The following FAM20C variants were observed in gnomAD, a reference collection of about 807,000 sequenced individuals.
FAM20C encodes the protein FAM20C golgi associated secretory pathway kinase, also known as extracellular serine/threonine protein kinase FAM20C.
A neutral mutation model predicts 51.5 loss-of-function variants in FAM20C; 40 were observed. The observed-to-expected ratio is 0.78, with a 90% confidence interval of 0.60 to 1.01. The LOEUF is 1.01. Ranked by LOEUF, FAM20C falls within the 50% of genes least tolerant of loss-of-function variation. The probability of loss-of-function intolerance (pLI) is 0.00; values close to 1 mark genes in which losing one functional copy is unlikely to be tolerated. For missense variants in FAM20C, 861 were observed against 844.7 expected (o/e 1.02, Z -0.24); for synonymous variants, 406 against 380.6 (o/e 1.07, Z -0.78).
chr7:201,994 T>C (rs1489549867), intron 2 of FAM20C, among the ~76,000 whole-genome samples: 3 of 152,238 alleles, frequency 2.0e-5, no homozygotes, highest in Non-Finnish European at 4.4e-5. Context: ...TCAATAGGAA[T>C]GAGTCCTGTA....
chr7:241,553 G>C (rs976894035), intron 3 of FAM20C, among the ~76,000 whole-genome samples: 1 of 134,786 alleles, frequency 7.4e-6, no homozygotes, highest in Non-Finnish European at 1.6e-5. Flanking sequence ...TGTTCTGTGG[G>C]GGTTGTGTGT....
chr7:207,163 T>TGCTC (rs1786451369), intron 2 of FAM20C, among the ~76,000 whole-genome samples: 1 of 18,932 alleles, frequency 5.3e-5, no homozygotes, highest in Non-Finnish European at 1.1e-4. Flanking sequence ...CCTGCACACG[T>TGCTC]ATCCACTGTG....
At chr7:244,893 C>A (rs138328741) in intron 3 of FAM20C, among the ~76,000 whole-genome samples, 1 of 152,162 alleles carries the variant, frequency 6.6e-6, no homozygotes, top group South Asian at 2.1e-4. Context: ...ACATCTTTAA[C>A]CCCCCATAAG....
intron 5 of FAM20C, among the ~76,000 whole-genome samples, chr7:251,972 C>G (rs36170325): frequency 6.6e-6 from 1 of 152,146 alleles, no homozygotes; most frequent in African/African-American, 2.4e-5. Context: ...CCACTCCAGC[C>G]GCGCTGCCCT....
intron 3 of FAM20C, among the ~76,000 whole-genome samples, chr7:223,802 A>G (rs1039793746): frequency 6.6e-6 from 1 of 152,318 alleles, no homozygotes; most frequent in South Asian, 2.1e-4. Context: ...CAGAAGAAAA[A>G]TGAACTTTTT....
At chr7:251,159 A>ACAG (rs1788381456) in intron 5 of FAM20C, among the ~76,000 whole-genome samples, 2 of 150,476 alleles carry the variant, frequency 1.3e-5, no homozygotes, top group Non-Finnish European at 3.0e-5. Flanking sequence ...GTGGCCGGGC[A>ACAG]CGGCGGCTCA....
chr7:207,545 C>T (rs1176240615), intron 2 of FAM20C, among the ~76,000 whole-genome samples: 1 of 152,200 alleles, frequency 6.6e-6, no homozygotes, highest in Non-Finnish European at 1.5e-5. Context: ...GCGCCCAGGG[C>T]CCCCGCCCCG....
intron 3 of FAM20C, among the ~76,000 whole-genome samples, chr7:216,784 C>T (rs939007937): frequency 6.6e-5 from 10 of 152,026 alleles, no homozygotes; most frequent in South Asian, 6.3e-4. Context: ...CCCAGGAACT[C>T]CTCCCAGCCA....
At position 256,538 on chromosome 7, in the gene FAM20C, G is replaced by T. The variant is rs907895321; in HGVS notation, c.1254-116G>T. 7.3e-6 allele frequency: 6 copies of T among 826,024 alleles called. No individual in the cohort carries two copies. In the African/African-American group the frequency reaches 8.4e-5, roughly 12 times the overall value. 51.2% of individuals were successfully genotyped at this position (826,024 alleles called of 1,614,324 possible). A position where few individuals can be genotyped will look rare whatever the true frequency, so the allele number is the denominator to read the frequency against. ...AGCCTCAGCGCCGCAGCCCGGGCGG[G>T]TCCATCTGCAGACGCCAAGGTCCCT... is the stretch of plus-strand genomic sequence containing the variant. On this transcript the variant is annotated intron_variant, in intron 6 of 9. Coordinates refer to ENST00000313766, the MANE Select transcript of FAM20C (RefSeq NM_020223.4).
chr7:256,005 C>T lies in FAM20C; in HGVS notation c.1229C>T (p.Ser410Phe). ...ACCTGGCGGAACCCTTGGCGGCGTT[C>T]CTACCACAAGCGCAAGAAGGCCGAG... ...RKTWRNPWRR[S>F]YHKRKKAEWE... Residue 410 changes from serine to phenylalanine, a missense_variant, in exon 6 of 10, where the codon TCC (serine) becomes TTC (phenylalanine). Ser to Phe is a radical substitution (Grantham distance 155, BLOSUM62 -2). Around this residue, in one of 3 missense-constraint regions of FAM20C, gnomAD observed 269 missense variants for 283.8 expected, o/e 0.95. Transcript: ENST00000313766. 6.5e-7 allele frequency: 1 copy of T among 1,536,000 alleles called. No homozygotes were observed. Among genetic ancestry groups the T allele is most frequent in the Non-Finnish European group, 8.7e-7 (1 of 1,146,768 alleles).
Position 258,160 on chromosome 7 carries a change from G to GCC in FAM20C, c.1446-485_1446-484insCC, listed in dbSNP as rs1562401535. 3.9e-3 allele frequency among the ~76,000 whole-genome samples: 431 copies of GCC among 111,064 alleles called. 37 individuals are homozygous for GCC. The highest frequency in any genetic ancestry group is 0.016 in the African/African-American group (375 of 23,486). The allele number at this position is 111,064 out of a possible 152,430, so 72.9% of individuals were successfully genotyped here. On this transcript the variant is annotated intron_variant, in intron 8 of 9. Coordinates refer to ENST00000313766, the MANE Select transcript of FAM20C (RefSeq NM_020223.4). Reference sequence around the variant, plus strand: ...CCACTGACTGGGGTGCTGGAGATAGGCAGGGTGGACCCACTGCCTGAGGTG... The same window carrying GCC: ...CCACTGACTGGGGTGCTGGAGATAGGCCCAGGGTGGACCCACTGCCTGAGGTG...
chr7:196,941 C>T (rs995435731), intron 2 of FAM20C, among the ~76,000 whole-genome samples: 8 of 152,180 alleles, frequency 5.3e-5, no homozygotes, highest in Admixed American at 1.3e-4. Flanking sequence ...TGAACCCCTG[C>T]CCCCCTCCAG....
chr7:246,213 G>A lies in FAM20C; in HGVS notation c.864-202G>A, dbSNP rs373037415. On this transcript the variant is annotated intron_variant, in intron 3 of 9. Coordinates refer to ENST00000313766, the MANE Select transcript of FAM20C (RefSeq NM_020223.4). Reference sequence around the variant, plus strand: ...AGGGCCACGGGGAGCTGGGACCCCCGGCCTCCGTCGCACGTGCCTGCGCTG... The same window carrying A: ...AGGGCCACGGGGAGCTGGGACCCCCAGCCTCCGTCGCACGTGCCTGCGCTG... The A allele has an allele frequency of 2.2e-4, 122 of 549,498 alleles. No individual in the cohort carries two copies. In the East Asian group the frequency reaches 2.2e-3, roughly 10 times the overall value. 34.0% of individuals were successfully genotyped at this position (549,498 alleles called of 1,614,324 possible). A position where few individuals can be genotyped will look rare whatever the true frequency, so the allele number is the denominator to read the frequency against.
chr7:203,768 C>A (rs531410104), intron 2 of FAM20C, among the ~76,000 whole-genome samples: 15 of 152,152 alleles, frequency 9.9e-5, no homozygotes, highest in African/African-American at 3.6e-4. Context: ...TGCTTCCAGA[C>A]GAAGAAGGAC....
At chr7:249,630 C>T (rs1453457230) in intron 5 of FAM20C, among the ~76,000 whole-genome samples, 1 of 152,154 alleles carries the variant, frequency 6.6e-6, no homozygotes, top group African/African-American at 2.4e-5. Flanking sequence ...GTCCCAGCTA[C>T]TCAGGAGGCT....
rs1016416455 is a variant in FAM20C at position 260,051 on chromosome 7, G to A, written c.*71G>A. On this transcript the variant is annotated 3_prime_UTR_variant, in exon 10 of 10. Coordinates refer to ENST00000313766, the MANE Select transcript of FAM20C (RefSeq NM_020223.4). ...GACCTCCCAGCAAGCGCATGCGCCC[G>A]TCGTGAATTCAGTGAATTCAGAGGC... is the stretch of plus-strand genomic sequence containing the variant. 132 of 1,429,562 alleles carry A rather than the reference G, an allele frequency of 9.2e-5. No homozygotes were observed. The Middle Eastern group carries it at 9.9e-4, about 11-fold the overall frequency. The allele number at this position is 1,429,562 out of a possible 1,614,324, so 88.6% of individuals were successfully genotyped here. A position where few individuals can be genotyped will look rare whatever the true frequency, so the allele number is the denominator to read the frequency against.
chr7:214,355 A>G (rs1405625700), intron 3 of FAM20C, among the ~76,000 whole-genome samples: 1 of 152,244 alleles, frequency 6.6e-6, no homozygotes, highest in East Asian at 1.9e-4. Flanking sequence ...CATGTTCTAA[A>G]TACAAGACCT....
intron 9 of FAM20C, 145 bp from the exon 10 acceptor site, chr7:259,586 G>A: frequency 2.7e-6 from 1 of 364,654 alleles, no homozygotes; most frequent in Non-Finnish European, 3.8e-6. Flanking sequence ...GTATGTCTCT[G>A]TCTTTTTCTC....
At chr7:211,693 G>A (rs532143234) in intron 3 of FAM20C, among the ~76,000 whole-genome samples, 2 of 152,198 alleles carry the variant, frequency 1.3e-5, no homozygotes, top group African/African-American at 2.4e-5. Context: ...TGGGCTAAGC[G>A]GGGAGGTGGG....
Sources: allele counts gnomAD v4.1 joint callset (sites outside exome capture counted in the v4.1 genomes callset), GRCh38; gene constraint gnomAD v4.1.1; regional missense constraint gnomAD v4.1.1; transcripts MANE v1.5; gene names NCBI Gene and HGNC (gene_info 2026-07-23, HGNC 2026-07-21).